Variants in LRP1B observed in about 807,000 individuals in gnomAD.
The protein encoded by LRP1B is LDL receptor related protein 1B.
Under a neutral mutation model 556.6 loss-of-function variants are expected in LRP1B, and 217 were observed. The observed-to-expected ratio is 0.39, with a 90% confidence interval of 0.35 to 0.44. The LOEUF (loss-of-function observed/expected upper bound fraction) is 0.44, where lower values mean the gene tolerates loss of function less well. LRP1B is among the 20% of genes least tolerant of loss of function. The pLI, the probability that LRP1B is intolerant of heterozygous loss-of-function variation, is 1.00. For synonymous variants in LRP1B, 2,047 were observed against 1,865.8 expected (o/e 1.10, Z -2.50); for missense variants, 5,053 against 5,620.8 (o/e 0.90, Z 3.23).
intron 2 of LRP1B, among the ~76,000 whole-genome samples, chr2:141,793,446 A>T (rs1574365819): frequency 6.6e-6 from 1 of 151,946 alleles, no homozygotes; most frequent in East Asian, 1.9e-4. Context: ...TCTATAACAG[A>T]TTTATCTGGT....
intron 21 of LRP1B, among the ~76,000 whole-genome samples, chr2:140,913,136 T>C (rs1370396719): frequency 6.6e-6 from 1 of 151,884 alleles, no homozygotes; most frequent in African/African-American, 2.4e-5. Context: ...TATAAAATGT[T>C]TATACTACTA....
intron 3 of LRP1B, among the ~76,000 whole-genome samples, chr2:141,453,190 T>C (rs1681488238): frequency 6.6e-6 from 1 of 151,986 alleles, no homozygotes; most frequent in Non-Finnish European, 1.5e-5. Flanking sequence ...TGAGCTGAGA[T>C]TGCCCCACTA....
At chr2:140,718,734 C>G (rs942679059) in intron 35 of LRP1B, among the ~76,000 whole-genome samples, 1 of 152,004 alleles carries the variant, frequency 6.6e-6, no homozygotes, top group Admixed American at 6.6e-5. Context: ...CATGATCTAC[C>G]AACTCCCTCC....
chr2:141,007,416 A>G (rs1697608332), intron 14 of LRP1B, among the ~76,000 whole-genome samples: 1 of 151,902 alleles, frequency 6.6e-6, no homozygotes, highest in Non-Finnish European at 1.5e-5. Flanking sequence ...AAAAATACAT[A>G]TGAAAGCCAA....
intron 44 of LRP1B, 112 bp downstream of exon 44, chr2:140,541,667 A>G: frequency 1.2e-6 from 1 of 856,004 alleles, no homozygotes; most frequent in Non-Finnish European, 1.7e-6. Context: ...ACAAAAAATA[A>G]TATTTTTTAA....
chr2:140,926,707 C>G (rs969249031), intron 20 of LRP1B, among the ~76,000 whole-genome samples: 1 of 152,052 alleles, frequency 6.6e-6, no homozygotes, highest in Admixed American at 6.6e-5. Flanking sequence ...TCTATATATT[C>G]GGGAACTTCA....
Position 140,872,051 on chromosome 2 carries a change from G to GTTT in LRP1B, c.4170-3791_4170-3789dup, listed in dbSNP as rs70991111. Among the ~76,000 whole-genome samples, 587 of 124,040 alleles carry GTTT rather than the reference G, an allele frequency of 4.7e-3. 5 individuals are homozygous for GTTT. The highest frequency in any genetic ancestry group is 0.026 in the East Asian group (110 of 4,234). The allele number at this position is 124,040 out of a possible 152,430, so 81.4% of individuals were successfully genotyped here. The stretch of plus-strand genomic sequence containing the variant: ...GTGTTTGTATTTAAAAGTCCTTCAT[G>GTTT]TTTTTTTTTTTTTCTCTCCTAGGAC... On this transcript the variant is annotated intron_variant, in intron 25 of 90. Transcript: ENST00000389484.
At chr2:140,769,464 T>C in intron 34 of LRP1B, 120 bp from the exon 35 acceptor site, 3 of 1,071,172 alleles carry the variant, frequency 2.8e-6, no homozygotes, top group South Asian at 1.9e-5. Context: ...ATGTATTTCC[T>C]GGCCTTTTAA....
At chr2:141,497,156 C>T (rs1683537995) in intron 2 of LRP1B, among the ~76,000 whole-genome samples, 1 of 151,968 alleles carries the variant, frequency 6.6e-6, no homozygotes, top group African/African-American at 2.4e-5. Flanking sequence ...TAAATGCACA[C>T]ACAGACATCC....
intron 2 of LRP1B, among the ~76,000 whole-genome samples, chr2:141,778,914 G>A (rs1695157642): frequency 6.6e-6 from 1 of 152,166 alleles, no homozygotes; most frequent in African/African-American, 2.4e-5. Context: ...AGAAGTCCAG[G>A]ATGTATAGAA....
chr2:140,303,159 A>C (rs1683915182), intron 83 of LRP1B, among the ~76,000 whole-genome samples: 1 of 151,300 alleles, frequency 6.6e-6, no homozygotes, highest in East Asian at 1.9e-4. Context: ...TTCTTCATAG[A>C]TAGAAATTCT....
At chr2:140,820,869 C>A (rs1691304396) in intron 31 of LRP1B, among the ~76,000 whole-genome samples, 3 of 148,934 alleles carry the variant, frequency 2.0e-5, no homozygotes, top group Admixed American at 1.3e-4. Flanking sequence ...CTTTTCTTTT[C>A]TGCTGATACT....
At chr2:141,223,550 A>G (rs1324196034) in intron 6 of LRP1B, among the ~76,000 whole-genome samples, 3 of 152,336 alleles carry the variant, frequency 2.0e-5, no homozygotes, top group African/African-American at 7.2e-5. Flanking sequence ...TTCATATGAC[A>G]TCAAAAAAGA....
intron 7 of LRP1B, among the ~76,000 whole-genome samples, chr2:141,112,483 T>C (rs1463433749): frequency 6.6e-6 from 1 of 152,180 alleles, no homozygotes; most frequent in Non-Finnish European, 1.5e-5. Flanking sequence ...TGATGTGCCT[T>C]ACAGGGAAAA....
At chr2:141,358,982 A>G (rs1401212416) in intron 3 of LRP1B, among the ~76,000 whole-genome samples, 2 of 152,130 alleles carry the variant, frequency 1.3e-5, no homozygotes, top group African/African-American at 4.8e-5. Flanking sequence ...ATTTGATTCA[A>G]TTATTTATTA....
intron 2 of LRP1B, among the ~76,000 whole-genome samples, chr2:141,633,585 T>C (rs1196543871): frequency 2.0e-5 from 3 of 152,128 alleles, no homozygotes; most frequent in African/African-American, 4.8e-5. Context: ...ATAGCCTTTC[T>C]ATGCTTATTT....
chr2:140,352,398 A>G (rs777382983), intron 76 of LRP1B, among the ~76,000 whole-genome samples: 5 of 150,848 alleles, frequency 3.3e-5, no homozygotes, highest in Middle Eastern at 3.4e-3. Flanking sequence ...TTGTTCTTGA[A>G]CTCCTGATCT....
chr2:141,027,238 C>A (rs1651370425), intron 11 of LRP1B, among the ~76,000 whole-genome samples: 1 of 152,262 alleles, frequency 6.6e-6, no homozygotes, highest in East Asian at 1.9e-4. Context: ...TTTCAGATTT[C>A]TCCACTTTGA....
intron 1 of LRP1B, among the ~76,000 whole-genome samples, chr2:141,850,195 A>C (rs1697798847): frequency 6.6e-6 from 1 of 151,710 alleles, no homozygotes; most frequent in African/African-American, 2.4e-5. Context: ...TTATCAATCC[A>C]ACTTCATCTT....
Sources: allele counts gnomAD v4.1 joint callset (sites outside exome capture counted in the v4.1 genomes callset), GRCh38; gene constraint gnomAD v4.1.1; transcripts MANE v1.5; gene names NCBI Gene and HGNC (gene_info 2026-07-23, HGNC 2026-07-21).